PPARGC1A: variants seen among roughly 807,000 people sequenced by gnomAD.
PPARGC1A encodes peroxisome proliferator-activated receptor gamma coactivator 1-alpha.
In PPARGC1A, 25 loss-of-function variants were observed where a neutral mutation model predicts 88.7. The ratio of observed to expected loss-of-function variants is 0.28; its 90% confidence interval spans 0.21 to 0.39. PPARGC1A has a LOEUF of 0.39. PPARGC1A is among the 10% of genes least tolerant of loss of function. PPARGC1A has a pLI of 1.00. For synonymous variants in PPARGC1A, 363 were observed against 355.6 expected (o/e 1.02, Z -0.24); for missense variants, 880 against 968.7 (o/e 0.91, Z 1.22).
the PPARGC1A span, among the ~76,000 whole-genome samples, chr4:23,979,958 G>A: frequency 6.6e-6 from 1 of 152,024 alleles, no homozygotes; most frequent in Non-Finnish European, 1.5e-5. Context: ...CAGGGTAGAT[G>A]GCTCTCTCCT....
chr4:23,837,127 A>C (rs1726161998), intron 2 of PPARGC1A, among the ~76,000 whole-genome samples: 1 of 152,122 alleles, frequency 6.6e-6, no homozygotes, highest in Non-Finnish European at 1.5e-5. Context: ...TCACAGCTTC[A>C]TTATCTTGGC....
chr4:24,411,209 C>T, the PPARGC1A span, among the ~76,000 whole-genome samples: 37,400 of 152,032 alleles, frequency 0.25, 4,861 homozygotes, highest in Non-Finnish European at 0.28. Flanking sequence ...CCTCAGGACA[C>T]CCCAGGAGGA....
the PPARGC1A span, among the ~76,000 whole-genome samples, chr4:23,996,649 C>G: frequency 1.3e-5 from 2 of 152,114 alleles, no homozygotes; most frequent in Non-Finnish European, 2.9e-5. Context: ...AAAAGAAAAG[C>G]CTAGATACAG....
the PPARGC1A span, among the ~76,000 whole-genome samples, chr4:24,105,111 G>A: frequency 2.8e-4 from 42 of 152,244 alleles, no homozygotes; most frequent in Non-Finnish European, 4.7e-4. Context: ...AATATGCCTC[G>A]AGTCACACAC....
At chr4:24,253,055 A>C in the PPARGC1A span, among the ~76,000 whole-genome samples, 1 of 152,184 alleles carries the variant, frequency 6.6e-6, no homozygotes, top group Non-Finnish European at 1.5e-5. Flanking sequence ...CAGAAAAATA[A>C]TGGTCAAGGG....
the PPARGC1A span, among the ~76,000 whole-genome samples, chr4:24,071,068 A>G: frequency 6.6e-6 from 1 of 152,148 alleles, no homozygotes; most frequent in Non-Finnish European, 1.5e-5. Context: ...CTGCTACCTG[A>G]TCAAACGCTT....
the PPARGC1A span, among the ~76,000 whole-genome samples, chr4:24,371,786 C>CAAAA: frequency 7.6e-6 from 1 of 132,088 alleles, no homozygotes; most frequent in Non-Finnish European, 1.6e-5. Context: ...ACAAAAAATA[C>CAAAA]AAAAAAAAAA....
chr4:24,008,031 A>G, the PPARGC1A span, among the ~76,000 whole-genome samples: 3 of 152,334 alleles, frequency 2.0e-5, no homozygotes, highest in African/African-American at 4.8e-5. Context: ...AGAATATTCA[A>G]TAAAGGTTCC....
the PPARGC1A span, among the ~76,000 whole-genome samples, chr4:24,188,078 C>A: frequency 9.8e-5 from 15 of 152,312 alleles, no homozygotes; most frequent in South Asian, 8.3e-4. Context: ...GGACTGTGTG[C>A]AGCTCTAATA....
At chr4:23,976,675 G>A in the PPARGC1A span, among the ~76,000 whole-genome samples, 1 of 152,144 alleles carries the variant, frequency 6.6e-6, no homozygotes, top group Non-Finnish European at 1.5e-5. Flanking sequence ...CATAAGATGA[G>A]AAAAAGACAG....
chr4:24,089,279 C>T, the PPARGC1A span, among the ~76,000 whole-genome samples: 1 of 152,172 alleles, frequency 6.6e-6, no homozygotes, highest in Non-Finnish European at 1.5e-5. Context: ...TAGGGACAGC[C>T]TTGGTGTCAA....
chr4:24,416,219 A>G, the PPARGC1A span, among the ~76,000 whole-genome samples: 1 of 152,230 alleles, frequency 6.6e-6, no homozygotes, highest in Non-Finnish European at 1.5e-5. Context: ...GTCTTATGCT[A>G]GAGAACCAGG....
At chr4:23,923,246 GT>G in the PPARGC1A span, among the ~76,000 whole-genome samples, 1 of 152,002 alleles carries the variant, frequency 6.6e-6, no homozygotes, top group African/African-American at 2.4e-5. Context: ...GGACAGACAG[GT>G]ATGGAACTGT....
At chr4:24,092,626 T>C in the PPARGC1A span, among the ~76,000 whole-genome samples, 1 of 152,190 alleles carries the variant, frequency 6.6e-6, no homozygotes, top group Non-Finnish European at 1.5e-5. Context: ...TGGCTGGTAA[T>C]TTTTGTCCCA....
chr4:23,871,880 A>G lies in PPARGC1A; in HGVS notation c.234+12872T>C, dbSNP rs756054227. 3.4e-4 allele frequency among the ~76,000 whole-genome samples: 51 copies of G among 152,166 alleles called. 1 individual carries two copies. Among genetic ancestry groups the G allele is most frequent in the Non-Finnish European group, 2.8e-4 (19 of 68,032 alleles). ...AGAAGAGGATTTAAGCTCGAGTATT[A>G]TAGGAATCTGAAAGAGACCTAATTG... is the stretch of plus-strand genomic sequence containing the variant. On this transcript the variant is annotated intron_variant, in intron 2 of 12. Transcript: ENST00000264867.
chr4:24,167,178 C>T, the PPARGC1A span, among the ~76,000 whole-genome samples: 2 of 152,080 alleles, frequency 1.3e-5, no homozygotes, highest in African/African-American at 2.4e-5. Flanking sequence ...TTCTAGATGA[C>T]TTTGAGGGGT....
chr4:24,443,216 A>G, the PPARGC1A span, among the ~76,000 whole-genome samples: 1 of 150,332 alleles, frequency 6.7e-6, no homozygotes, highest in African/African-American at 2.4e-5. Flanking sequence ...CTCTTCCTTC[A>G]GTTTTAACGT....
chr4:23,879,965 T>C (rs1715591173), intron 2 of PPARGC1A: 1 of 152,196 alleles, frequency 6.6e-6, no homozygotes, highest in South Asian at 2.1e-4. Flanking sequence ...ATCCCGTCTA[T>C]GAAAACGCTC....
At chr4:24,256,178 A>G in the PPARGC1A span, among the ~76,000 whole-genome samples, 2 of 152,304 alleles carry the variant, frequency 1.3e-5, no homozygotes, top group South Asian at 4.1e-4. Flanking sequence ...CTTTTTATCC[A>G]GAACAAACTG....
Sources: gnomAD v4.1 joint callset for allele counts (sites outside exome capture counted in the v4.1 genomes callset) on GRCh38, gnomAD v4.1.1 for gene constraint, MANE v1.5 for transcripts, NCBI Gene and HGNC (gene_info 2026-07-23, HGNC 2026-07-21) for gene names.